Variants in SH3BP2 observed in about 807,000 individuals in gnomAD.
SH3BP2 encodes the protein SH3 domain-binding protein 2.
Under a neutral mutation model 56.2 loss-of-function variants are expected in SH3BP2, and 38 were observed. The ratio of observed to expected loss-of-function variants is 0.68; its 90% CI spans 0.52 to 0.89. The LOEUF (loss-of-function observed/expected upper bound fraction) is 0.89. Among genes scored for constraint, SH3BP2 ranks in the 40% least tolerant of loss-of-function variants. The probability of loss-of-function intolerance (pLI) is 0.00; values close to 1 mark genes in which losing one functional copy is unlikely to be tolerated. For synonymous variants in SH3BP2, 346 were observed against 316.7 expected (o/e 1.09, Z -0.98); for missense variants, 748 against 762.6 (o/e 0.98, Z 0.23).
chr4:2,831,628 A>G lies in SH3BP2; in HGVS notation c.1299A>G (p.Gln433=), dbSNP rs886059357. Residue 433 remains glutamine (Q), a synonymous_variant, in exon 9 of 13, where the codon CAA becomes CAG. Transcript: ENST00000503393. The surrounding 1 kb of genome is among the most constrained non-coding windows in gnomAD (Gnocchi z 4.1). ...FRSFSFEKPR[Q]PSQADTGGDD... ...GCTTCTCCTTTGAAAAGCCCCGGCAACCCTCACAGGCTGACACTGGCGGGG... is the reference window on the plus strand; with the variant it reads ...GCTTCTCCTTTGAAAAGCCCCGGCAGCCCTCACAGGCTGACACTGGCGGGG... The G allele has an allele frequency of 1.2e-6, 2 of 1,606,962 alleles. No homozygotes were observed. The highest frequency in any genetic ancestry group is 1.1e-5 in the South Asian group (1 of 89,834).
At position 2,830,034 on chromosome 4, in the gene SH3BP2, C is replaced by A. The variant is rs1560111357; in HGVS notation, c.1128C>A (p.Leu376=). Residue 376 remains leucine (L), a synonymous_variant, in exon 8 of 13, where the codon CTC becomes CTA. Transcript: ENST00000503393. The stretch of plus-strand genomic sequence containing the variant: ...CAAGGGAGGCAGCCATGCCCGGACT[C>A]TTTGTGCCCCCCGTGGCTCCCCGGC... ...DPPREAAMPG[L]FVPPVAPRPP... is the part of the protein sequence containing the mutation. 9.9e-6 allele frequency: 16 copies of A among 1,612,816 alleles called. No individual in the cohort carries two copies. Among genetic ancestry groups the A allele is most frequent in the Non-Finnish European group, 1.3e-5 (15 of 1,179,930 alleles).
intron 1 of SH3BP2, among the ~76,000 whole-genome samples, chr4:2,820,324 G>A (rs1209824387): frequency 6.6e-6 from 1 of 152,204 alleles, no homozygotes; most frequent in Non-Finnish European, 1.5e-5. Flanking sequence ...CTCAGTGGCT[G>A]TGTGCAGAAT....
At chr4:2,809,727 G>A (rs936693657) in intron 1 of SH3BP2, 3 of 931,672 alleles carry the variant, frequency 3.2e-6, no homozygotes, top group East Asian at 1.2e-4. Context: ...ACTCCTGAGC[G>A]GGCTGAAGGC....
At chr4:2,830,191 G>T in intron 8 of SH3BP2, 44 bp downstream of exon 8, 1 of 1,563,212 alleles carries the variant, frequency 6.4e-7, no homozygotes, top group Non-Finnish European at 8.6e-7. Context: ...CAGCTACAGG[G>T]ACCCTGGCCT....
intron 1 of SH3BP2, 52 bp from the exon 2 acceptor site, chr4:2,820,562 C>G (rs2239727): frequency 6.2e-7 from 1 of 1,612,338 alleles, no homozygotes; most frequent in Non-Finnish European, 8.5e-7. Flanking sequence ...CCTGGCTCAG[C>G]CATCTCCTGC....
chr4:2,801,098 T>G (rs73080373), intron 1 of SH3BP2, among the ~76,000 whole-genome samples: 2 of 150,760 alleles, frequency 1.3e-5, no homozygotes, highest in African/African-American at 4.9e-5. Flanking sequence ...ACTCCACCCC[T>G]GCCTGTCTTG....
chr4:2,795,562 G>T lies in SH3BP2; in HGVS notation c.-5+2424G>T, dbSNP rs116287867. Reference sequence around the variant, plus strand: ...TGGGTGAGGAGAAGGGCAGGCTGGCGGGGAAAAGACGGGGAATTTGCCACA... The same window carrying T: ...TGGGTGAGGAGAAGGGCAGGCTGGCTGGGAAAAGACGGGGAATTTGCCACA... On this transcript the variant is annotated intron_variant, in intron 1 of 12. Transcript: ENST00000503393. 2.0e-5 allele frequency among the ~76,000 whole-genome samples: 3 copies of T among 152,308 alleles called. No individual in the cohort carries two copies. In the East Asian group the frequency reaches 5.8e-4, roughly 29 times the overall value.
At position 2,803,325 on chromosome 4, in the gene SH3BP2, G is replaced by A. The variant is rs553587726; in HGVS notation, c.-5+10187G>A. On this transcript the variant is annotated intron_variant, in intron 1 of 12. Transcript: ENST00000503393. ...CCCCAGCAGGAGCCCCAGGGCCTCGGCATCTCCACTCTGTTCCCTTGTTAT... is the reference window on the plus strand; with the variant it reads ...CCCCAGCAGGAGCCCCAGGGCCTCGACATCTCCACTCTGTTCCCTTGTTAT... Among the ~76,000 whole-genome samples, 31 of 152,322 alleles carry A rather than the reference G, an allele frequency of 2.0e-4. No individual in the cohort carries two copies. In the South Asian group the frequency reaches 6.4e-3, roughly 32 times the overall value.
intron 1 of SH3BP2, chr4:2,809,740 C>G (rs1437956438): frequency 2.0e-6 from 2 of 978,902 alleles, no homozygotes; most frequent in African/African-American, 3.5e-5. Context: ...CTGAAGGCTC[C>G]CAGAACCCAG....
In SH3BP2 at chr4:2,835,617, T is replaced by C. The variant is rs1465765738; in HGVS notation, c.*1783T>C. 6.6e-6 allele frequency: 1 copy of C among 152,126 alleles called. No individual in the cohort carries two copies. Among genetic ancestry groups the C allele is most frequent in the Non-Finnish European group, 1.5e-5 (1 of 68,044 alleles). 9.4% of individuals were successfully genotyped at this position (152,126 alleles called of 1,614,324 possible). On this transcript the variant is annotated 3_prime_UTR_variant, in exon 13 of 13. Coordinates refer to ENST00000503393, the MANE Select transcript of SH3BP2 (RefSeq NM_001122681.2). Reference sequence around the variant, plus strand: ...GGCCATAGTTTCTCTTCCTGTAAAATTTTATTATTTTAGTTTTTTGTTTTT... The same window carrying C: ...GGCCATAGTTTCTCTTCCTGTAAAACTTTATTATTTTAGTTTTTTGTTTTT...
chr4:2,824,988 C>T (rs951045923), intron 4 of SH3BP2, 138 bp from the exon 5 acceptor site: 1 of 817,180 alleles, frequency 1.2e-6, no homozygotes, highest in Admixed American at 2.0e-5. Context: ...GGGAGCCACA[C>T]AGCCATGTTG....
rs1725159068 is a variant in SH3BP2 at position 2,834,336 on chromosome 4, T to G, written c.*502T>G. ...GGGAAGGAGGGGATTACCAGCTTAC[T>G]GGGTGCCCATGCTGATGTCTAAGTG... On this transcript the variant is annotated 3_prime_UTR_variant, in exon 13 of 13. Coordinates refer to ENST00000503393, the MANE Select transcript of SH3BP2 (RefSeq NM_001122681.2). The G allele has an allele frequency of 6.4e-6, 1 of 157,392 alleles. No homozygotes were observed. Among genetic ancestry groups the G allele is most frequent in the East Asian group, 1.9e-4 (1 of 5,332 alleles). 9.7% of individuals were successfully genotyped at this position (157,392 alleles called of 1,614,324 possible). A position where few individuals can be genotyped will look rare whatever the true frequency, so the allele number is the denominator to read the frequency against.
chr4:2,820,549 C>A (rs1041493721), intron 1 of SH3BP2, 65 bp from the exon 2 acceptor site: 14 of 1,601,980 alleles, frequency 8.7e-6, no homozygotes, highest in Non-Finnish European at 1.0e-5. Context: ...TCCCCCTGAG[C>A]GCCCTGGCTC....
chr4:2,811,046 G>C lies in SH3BP2; in HGVS notation c.-4-9568G>C, dbSNP rs1364159848. On this transcript the variant is annotated intron_variant, in intron 1 of 12. Coordinates refer to ENST00000503393, the MANE Select transcript of SH3BP2 (RefSeq NM_001122681.2). Reference sequence around the variant, plus strand: ...AGGGTGTCTGTGCCCATGCTAAGGAGGCCCCAGACCTAAAAGCCCAAGCTC... The same window carrying C: ...AGGGTGTCTGTGCCCATGCTAAGGACGCCCCAGACCTAAAAGCCCAAGCTC... Among the ~76,000 whole-genome samples, 3 of 152,358 alleles carry C rather than the reference G, an allele frequency of 2.0e-5. No individual in the cohort carries two copies. In the East Asian group the frequency reaches 5.8e-4, roughly 29 times the overall value.
chr4:2,804,864 G>T (rs1723466037), intron 1 of SH3BP2, among the ~76,000 whole-genome samples: 1 of 152,276 alleles, frequency 6.6e-6, no homozygotes, highest in Non-Finnish European at 1.5e-5. Context: ...CACTAGCCAC[G>T]CTGGCTGGGT....
At chr4:2,802,514 ATGTGTATATATATATGTATGTGTGTG>A (rs944942722) in intron 1 of SH3BP2, among the ~76,000 whole-genome samples, 1 of 108,330 alleles carries the variant, frequency 9.2e-6, no homozygotes, top group Non-Finnish European at 1.8e-5. Flanking sequence ...GTTTGTATAT[ATGTGTATATATATATGTATGTGTGTG>A]TGTGTATATA....
At chr4:2,809,967 C>T (rs1199624386) in intron 1 of SH3BP2, 1 of 239,524 alleles carries the variant, frequency 4.2e-6, no homozygotes. Context: ...CGGCCCCGGC[C>T]ATGCCCCGCT....
intron 3 of SH3BP2, 105 bp downstream of exon 3, chr4:2,823,142 C>A: frequency 1.2e-6 from 1 of 856,298 alleles, no homozygotes. Flanking sequence ...AAGGAAAGTG[C>A]TTTCCCGAAG....
intron 1 of SH3BP2, among the ~76,000 whole-genome samples, chr4:2,816,366 C>T (rs1326041986): frequency 6.6e-6 from 1 of 152,212 alleles, no homozygotes; most frequent in African/African-American, 2.4e-5. Context: ...AAGTGGATTC[C>T]TTGGGATTTT....
Sources: allele counts gnomAD v4.1 joint callset (sites outside exome capture counted in the v4.1 genomes callset), GRCh38; gene constraint gnomAD v4.1.1; non-coding constraint Gnocchi (gnomAD v3.1); transcripts MANE v1.5; gene names NCBI Gene and HGNC (gene_info 2026-07-23, HGNC 2026-07-21).